Variants in SGCZ observed in about 807,000 individuals in gnomAD.
SGCZ encodes the protein zeta-sarcoglycan.
A neutral mutation model predicts 41.3 loss-of-function variants in SGCZ; 40 were observed. That is an observed-to-expected ratio of 0.97 (90% CI 0.75 to 1.26). SGCZ has a LOEUF of 1.26. SGCZ is among the 50% of genes most tolerant of loss of function. The pLI is 0.00. For missense variants in SGCZ, 552 were observed against 369.8 expected, an observed-to-expected ratio of 1.49 and a Z score of -4.04; for synonymous variants, 206 against 137.5, an observed-to-expected ratio of 1.50 and a Z score of -3.49.
chr8:15,095,592 GA>G (rs756471377), intron 1 of SGCZ, among the ~76,000 whole-genome samples: 4 of 151,996 alleles, frequency 2.6e-5, no homozygotes, highest in African/African-American at 4.8e-5. Context: ...GAGGGTTTCA[GA>G]TTTTTTTTTA....
intron 2 of SGCZ, among the ~76,000 whole-genome samples, chr8:14,465,000 A>T (rs1801009292): frequency 6.6e-6 from 1 of 151,736 alleles, no homozygotes; most frequent in Admixed American, 6.6e-5. Context: ...GGGCAAACAT[A>T]TGGTCTATCC....
chr8:14,589,666 A>G lies in SGCZ; in HGVS notation c.40-34740T>C, dbSNP rs73535260. 8.4e-3 allele frequency among the ~76,000 whole-genome samples: 1,272 copies of G among 152,272 alleles called. 13 individuals carry two copies. Among genetic ancestry groups the G allele is most frequent in the African/African-American group, 0.029 (1,212 of 41,558 alleles). On this transcript the variant is annotated intron_variant, in intron 1 of 7. Transcript: ENST00000382080. ...CGCATAATATTCATAGTTGCATTTA[A>G]TTTGGAGGAACATAGATATTTCCTT...
intron 1 of SGCZ, among the ~76,000 whole-genome samples, chr8:15,125,618 A>C (rs760185845): frequency 2.6e-5 from 4 of 152,168 alleles, no homozygotes; most frequent in Non-Finnish European, 5.9e-5. Flanking sequence ...ATATACCCCA[A>C]TATACTCTGG....
intron 2 of SGCZ, among the ~76,000 whole-genome samples, chr8:14,507,129 C>CAAACTGTCTTTTCAATTGATCGAGACAA (rs141815698): frequency 2.6e-5 from 4 of 152,144 alleles, no homozygotes; most frequent in African/African-American, 9.6e-5. Context: ...CCCTATCTTC[C>CAAACTGTCTTTTCAATTGATCGAGACAA]AAACTGTATT....
At chr8:15,172,167 T>TATTTATTTTATTTTATTTTATTTTA (rs1445609095) in intron 1 of SGCZ, among the ~76,000 whole-genome samples, 1 of 132,416 alleles carries the variant, frequency 7.6e-6, no homozygotes, top group African/African-American at 2.9e-5. Flanking sequence ...TTTTTTTTTT[T>TATTTATTTTATTTTATTTTATTTTA]TTTTTTTTTT....
chr8:15,045,444 G>GT (rs1192378142), intron 1 of SGCZ, among the ~76,000 whole-genome samples: 4 of 152,026 alleles, frequency 2.6e-5, no homozygotes, highest in African/African-American at 9.7e-5. Flanking sequence ...TTAGACCTGA[G>GT]TTAAAACATG....
intron 5 of SGCZ, among the ~76,000 whole-genome samples, chr8:14,121,530 G>GT (rs910889777): frequency 4.6e-5 from 7 of 152,028 alleles, no homozygotes; most frequent in East Asian, 3.9e-4. Flanking sequence ...ATTATACAGG[G>GT]TTTTTTTGGT....
chr8:14,271,400 G>C (rs369055039), intron 3 of SGCZ, among the ~76,000 whole-genome samples: 1 of 152,042 alleles, frequency 6.6e-6, no homozygotes, highest in Non-Finnish European at 1.5e-5. Context: ...TATAATAGTA[G>C]AGTTATCTCC....
At chr8:15,212,530 G>T (rs1801265801) in intron 1 of SGCZ, among the ~76,000 whole-genome samples, 1 of 151,796 alleles carries the variant, frequency 6.6e-6, no homozygotes. Flanking sequence ...AATTTAATTT[G>T]CCACTTTCTA....
At chr8:14,960,251 C>T (rs756626200) in intron 1 of SGCZ, among the ~76,000 whole-genome samples, 23 of 152,016 alleles carry the variant, frequency 1.5e-4, no homozygotes, top group Middle Eastern at 3.4e-3. Flanking sequence ...TTTATTGTAA[C>T]GCTTGGATCA....
chr8:14,439,497 T>A (rs900027515), intron 2 of SGCZ, among the ~76,000 whole-genome samples: 1 of 151,568 alleles, frequency 6.6e-6, no homozygotes, highest in Non-Finnish European at 1.5e-5. Context: ...AAAACACATA[T>A]CAATATTCCT....
intron 2 of SGCZ, among the ~76,000 whole-genome samples, chr8:14,532,117 G>A (rs1803150140): frequency 6.6e-6 from 1 of 151,978 alleles, no homozygotes; most frequent in Admixed American, 6.6e-5. Context: ...AAAATACTGT[G>A]GAAATACCAG....
intron 3 of SGCZ, among the ~76,000 whole-genome samples, chr8:14,258,572 ATAC>A (rs1172821830): frequency 2.9e-4 from 44 of 152,184 alleles, no homozygotes; most frequent in Non-Finnish European, 2.1e-4. Context: ...AAAAATACTG[ATAC>A]TATATTAAGT....
At chr8:14,373,797 ATG>A (rs1804002276) in intron 2 of SGCZ, among the ~76,000 whole-genome samples, 1 of 152,102 alleles carries the variant, frequency 6.6e-6, no homozygotes, top group African/African-American at 2.4e-5. Flanking sequence ...ACCTTTTCGT[ATG>A]AATGATAGCA....
At chr8:14,366,558 A>C (rs999825599) in intron 2 of SGCZ, among the ~76,000 whole-genome samples, 1 of 152,024 alleles carries the variant, frequency 6.6e-6, no homozygotes, top group African/African-American at 2.4e-5. Context: ...TAGATCTTAT[A>C]TCCTCACATT....
intron 1 of SGCZ, among the ~76,000 whole-genome samples, chr8:14,733,898 T>C (rs1191702543): frequency 2.6e-5 from 4 of 152,184 alleles, no homozygotes; most frequent in Admixed American, 2.6e-4. Flanking sequence ...CTTATTTTGC[T>C]CCTCTGAGTA....
chr8:14,635,951 C>T (rs952696711), intron 1 of SGCZ, among the ~76,000 whole-genome samples: 3 of 151,786 alleles, frequency 2.0e-5, no homozygotes, highest in African/African-American at 7.3e-5. Context: ...ATAGTAGGTG[C>T]TGTGTTGGCA....
chr8:14,889,999 A>G (rs1804951377), intron 1 of SGCZ, among the ~76,000 whole-genome samples: 1 of 152,076 alleles, frequency 6.6e-6, no homozygotes. Flanking sequence ...CAGGCAGATC[A>G]CAAGGTCAGG....
At chr8:14,828,209 G>A (rs117985486) in intron 1 of SGCZ, among the ~76,000 whole-genome samples, 1 of 152,146 alleles carries the variant, frequency 6.6e-6, no homozygotes, top group African/African-American at 2.4e-5. Context: ...CCAAAGAAAT[G>A]ACCAGTTTAC....
Sources: allele counts gnomAD v4.1 joint callset (sites outside exome capture counted in the v4.1 genomes callset), GRCh38; gene constraint gnomAD v4.1.1; transcripts MANE v1.5; gene names NCBI Gene and HGNC (gene_info 2026-07-23, HGNC 2026-07-21).